STK32B: variants seen among roughly 807,000 people sequenced by gnomAD.
STK32B encodes serine/threonine-protein kinase 32B.
Under a neutral mutation model 52.6 loss-of-function variants are expected in STK32B, and 43 were observed. The ratio of observed to expected loss-of-function variants is 0.82; its 90% confidence interval spans 0.64 to 1.05. The LOEUF (loss-of-function observed/expected upper bound fraction) is 1.05, where lower values mean the gene tolerates loss of function less well. Among genes scored for constraint, STK32B ranks in the 50% least tolerant of loss-of-function variants. STK32B has a pLI of 0.00. For missense variants in STK32B, 621 were observed against 534.6 expected, an observed-to-expected ratio of 1.16 and a Z score of -1.59; for synonymous variants, 238 against 204.3, an observed-to-expected ratio of 1.17 and a Z score of -1.41.
chr4:5,182,071 TG>T (rs1720407242), intron 3 of STK32B, among the ~76,000 whole-genome samples: 1 of 152,262 alleles, frequency 6.6e-6, no homozygotes, highest in African/African-American at 2.4e-5. Flanking sequence ...CATCTTCATA[TG>T]GAGCAGCTTC....
intron 1 of STK32B, among the ~76,000 whole-genome samples, chr4:5,099,451 C>T (rs9715203): frequency 1.5e-3 from 71 of 48,366 alleles, no homozygotes; most frequent in South Asian, 0.012. Flanking sequence ...TGTGTGTGTG[C>T]GCGCGCGCGT....
chr4:5,458,535 C>T (rs550006436), intron 8 of STK32B: 4 of 152,296 alleles, frequency 2.6e-5, no homozygotes, highest in Admixed American at 6.5e-5. Context: ...GATTTTGATC[C>T]AAACTCTCCT....
chr4:5,071,303 A>G (rs1711759013), intron 1 of STK32B, among the ~76,000 whole-genome samples: 1 of 152,322 alleles, frequency 6.6e-6, no homozygotes, highest in South Asian at 2.1e-4. Flanking sequence ...ATGTTTGCAT[A>G]TATGTATACA....
intron 3 of STK32B, among the ~76,000 whole-genome samples, chr4:5,284,833 AT>A: frequency 6.6e-6 from 1 of 152,292 alleles, no homozygotes; most frequent in African/African-American, 2.4e-5. Context: ...TGTATTTTTC[AT>A]CATGTTTAGT....
Position 5,247,053 on chromosome 4 carries a change from T to G in STK32B, c.260+78603T>G, listed in dbSNP as rs192388143. On this transcript the variant is annotated intron_variant, in intron 3 of 11. Coordinates refer to ENST00000282908, the MANE Select transcript of STK32B (RefSeq NM_018401.3). ...ACTTGAGGAGGTGGTCTGCCCGTTC[T>G]CAGATCTCAAGCTGCATGCTGGGAG... 2.0e-5 allele frequency among the ~76,000 whole-genome samples: 3 copies of G among 152,330 alleles called. No individual in the cohort carries two copies. In the East Asian group the frequency reaches 5.8e-4, roughly 29 times the overall value.
chr4:5,453,706 C>A lies in STK32B; in HGVS notation c.667-3101C>A, dbSNP rs1716236144. On this transcript the variant is annotated intron_variant, in intron 7 of 11. Transcript: ENST00000282908. The surrounding 1 kb of genome is among the most constrained non-coding windows in gnomAD (Gnocchi z 4.0). ...ATCACCTGAGGTGAGGAGTTCGAGA[C>A]CAACCTGGCCAACATGGTAAAACCC... 6.6e-6 allele frequency among the ~76,000 whole-genome samples: 1 copy of A among 152,104 alleles called. No homozygotes were observed. Among genetic ancestry groups the A allele is most frequent in the Non-Finnish European group, 1.5e-5 (1 of 68,014 alleles).
At chr4:5,161,007 C>T (rs1381431257) in intron 2 of STK32B, among the ~76,000 whole-genome samples, 1 of 152,120 alleles carries the variant, frequency 6.6e-6, no homozygotes, top group African/African-American at 2.4e-5. Context: ...AGGAGGGGAA[C>T]TGAGGCCAGC....
chr4:5,106,219 T>C (rs1714101421), intron 1 of STK32B, among the ~76,000 whole-genome samples: 1 of 152,076 alleles, frequency 6.6e-6, no homozygotes, highest in South Asian at 2.1e-4. Flanking sequence ...GGAGAATCAC[T>C]TGAACCTGGA....
intron 3 of STK32B, among the ~76,000 whole-genome samples, chr4:5,310,807 TG>T (rs1730245390): frequency 6.6e-6 from 1 of 152,176 alleles, no homozygotes; most frequent in African/African-American, 2.4e-5. Flanking sequence ...CACAAATAGA[TG>T]AATGGATACA....
intron 1 of STK32B, among the ~76,000 whole-genome samples, chr4:5,105,597 A>T (rs1298786791): frequency 2.7e-5 from 4 of 150,732 alleles, no homozygotes; most frequent in South Asian, 2.1e-4. Flanking sequence ...GGAGTATCGC[A>T]CTCTCACCCA....
intron 3 of STK32B, among the ~76,000 whole-genome samples, chr4:5,207,851 T>C (rs1025144363): frequency 1.3e-5 from 2 of 152,012 alleles, no homozygotes; most frequent in Admixed American, 1.3e-4. Flanking sequence ...GTTTGTTTTT[T>C]CTCTTCTGGA....
chr4:5,269,489 A>G (rs936203828), intron 3 of STK32B, among the ~76,000 whole-genome samples: 1 of 152,230 alleles, frequency 6.6e-6, no homozygotes, highest in Non-Finnish European at 1.5e-5. Flanking sequence ...AGTGTTTGGC[A>G]TGCATAGAAG....
At chr4:5,214,772 T>G (rs1040674889) in intron 3 of STK32B, among the ~76,000 whole-genome samples, 4 of 152,236 alleles carry the variant, frequency 2.6e-5, no homozygotes, top group African/African-American at 9.6e-5. Context: ...CAGATTTGAA[T>G]TTTCATTTTT....
intron 1 of STK32B, among the ~76,000 whole-genome samples, chr4:5,107,044 A>G (rs1714144166): frequency 6.6e-6 from 1 of 152,230 alleles, no homozygotes; most frequent in South Asian, 2.1e-4. Context: ...GGTGAGAGGC[A>G]GGTGAAGCTT....
chr4:5,489,265 G>A (rs868280723), intron 11 of STK32B, among the ~76,000 whole-genome samples: 6 of 152,038 alleles, frequency 3.9e-5, no homozygotes, highest in South Asian at 2.1e-4. Context: ...TGAGATATTA[G>A]ACAAAGCTAA....
intron 3 of STK32B, among the ~76,000 whole-genome samples, chr4:5,245,977 C>T (rs940365898): frequency 1.3e-5 from 2 of 152,122 alleles, no homozygotes; most frequent in Admixed American, 1.3e-4. Flanking sequence ...TGTGGGTAAC[C>T]CGACCTTTCT....
At chr4:5,442,230 T>C (rs1019745899) in intron 6 of STK32B, among the ~76,000 whole-genome samples, 5 of 145,436 alleles carry the variant, frequency 3.4e-5, no homozygotes, top group African/African-American at 1.3e-4. Context: ...TATTAATGTG[T>C]GGGAGTCTAA....
rs1024369641 is a variant in STK32B at position 5,444,356 on chromosome 4, C to T, written c.563-2317C>T. On this transcript the variant is annotated intron_variant, in intron 6 of 11. Transcript: ENST00000282908. Reference sequence around the variant, plus strand: ...AGCGCAGTATTTGGGTGGGAGTGACCCGATTTTCCAGGTGCCGTCCGTCAC... The same window carrying T: ...AGCGCAGTATTTGGGTGGGAGTGACTCGATTTTCCAGGTGCCGTCCGTCAC... Among the ~76,000 whole-genome samples the T allele has an allele frequency of 2.0e-5, 3 of 152,188 alleles. 1 individual carries two copies. The highest frequency in any genetic ancestry group is 4.4e-5 in the Non-Finnish European group (3 of 68,038).
At chr4:5,337,275 C>T (rs1324412903) in intron 4 of STK32B, among the ~76,000 whole-genome samples, 1 of 152,030 alleles carries the variant, frequency 6.6e-6, no homozygotes, top group African/African-American at 2.4e-5. Context: ...AGGTGTGAGC[C>T]ACAGTGCCCA....
Sources: allele counts gnomAD v4.1 joint callset (sites outside exome capture counted in the v4.1 genomes callset), GRCh38; gene constraint gnomAD v4.1.1; non-coding constraint Gnocchi (gnomAD v3.1); transcripts MANE v1.5; gene names NCBI Gene and HGNC (gene_info 2026-07-23, HGNC 2026-07-21).